The following ARID1B variants were observed in gnomAD, a reference collection of about 807,000 sequenced individuals.
ARID1B encodes AT-rich interaction domain 1B, also known as AT-rich interactive domain-containing protein 1B.
ARID1B carries 30 observed loss-of-function variants against 212.3 expected under a neutral mutation model. That is an observed-to-expected ratio of 0.14 (90% CI 0.11 to 0.19). The LOEUF is 0.19. Among genes scored for constraint, ARID1B ranks in the 10% least tolerant of loss-of-function variants. The pLI is 1.00. For synonymous variants in ARID1B, 1,402 were observed against 1,301.7 expected (o/e 1.08, Z -1.66); for missense variants, 2,891 against 3,204.0 (o/e 0.90, Z 2.36).
intron 3 of ARID1B, among the ~76,000 whole-genome samples, chr6:156,926,837 T>C (rs1325355678): frequency 6.6e-6 from 1 of 152,080 alleles, no homozygotes; most frequent in Non-Finnish European, 1.5e-5. Flanking sequence ...ACTGCCACCA[T>C]GCCTGGCTAA....
intron 11 of ARID1B, among the ~76,000 whole-genome samples, chr6:157,178,146 G>A (rs1480269030): frequency 6.6e-6 from 1 of 152,154 alleles, no homozygotes; most frequent in African/African-American, 2.4e-5. Context: ...ACTAGACTGT[G>A]CCCACGTTCA....
At chr6:157,069,673 T>C (rs571094248) in intron 4 of ARID1B, among the ~76,000 whole-genome samples, 1 of 152,348 alleles carries the variant, frequency 6.6e-6, no homozygotes, top group Non-Finnish European at 1.5e-5. Context: ...ACTCAGATCA[T>C]AGACCAATTG....
chr6:157,154,239 C>T (rs1156716939), intron 8 of ARID1B, among the ~76,000 whole-genome samples: 1 of 152,150 alleles, frequency 6.6e-6, no homozygotes, highest in Non-Finnish European at 1.5e-5. Flanking sequence ...GGTAGATGGA[C>T]AAACAGATTT....
chr6:156,952,660 C>T (rs1238659441), intron 4 of ARID1B, among the ~76,000 whole-genome samples: 1 of 152,196 alleles, frequency 6.6e-6, no homozygotes, highest in Non-Finnish European at 1.5e-5. Flanking sequence ...ACCATTCATC[C>T]ACCTTTGGGA....
At chr6:156,882,588 T>C (rs1274305858) in intron 2 of ARID1B, among the ~76,000 whole-genome samples, 1 of 152,188 alleles carries the variant, frequency 6.6e-6, no homozygotes, top group Non-Finnish European at 1.5e-5. Flanking sequence ...TGTGGTCTCT[T>C]TCAATCAGGA....
intron 4 of ARID1B, among the ~76,000 whole-genome samples, chr6:157,046,415 A>G (rs1782248872): frequency 6.6e-6 from 1 of 152,136 alleles, no homozygotes; most frequent in South Asian, 2.1e-4. Flanking sequence ...TTTTCCTGCC[A>G]TTTTATAATT....
intron 4 of ARID1B, among the ~76,000 whole-genome samples, chr6:157,012,007 G>GAACTCAGAAGA (rs1166116628): frequency 6.6e-6 from 1 of 152,172 alleles, no homozygotes; most frequent in Non-Finnish European, 1.5e-5. Flanking sequence ...TAACACCATG[G>GAACTCAGAAGA]AACTCAGAAG....
At chr6:157,187,228 G>A (rs1023979629) in intron 13 of ARID1B, among the ~76,000 whole-genome samples, 4 of 152,136 alleles carry the variant, frequency 2.6e-5, no homozygotes, top group Non-Finnish European at 4.4e-5. Flanking sequence ...GAATGGAAGG[G>A]ACCAGGCTGG....
chr6:156,917,270 G>A (rs897104329), intron 3 of ARID1B, among the ~76,000 whole-genome samples: 1 of 152,106 alleles, frequency 6.6e-6, no homozygotes, highest in Admixed American at 6.5e-5. Flanking sequence ...AGAAATAATG[G>A]GTATTATGAA....
At position 157,174,022 on chromosome 6, in the gene ARID1B, G is replaced by A. The variant is rs1791906307; in HGVS notation, c.3250G>A (p.Ala1084Thr). The change falls in exon 10 of 20, where the codon GCA becomes ACA. Residue 1084 changes from alanine to threonine, a missense_variant. By Grantham distance (58) the Ala-to-Thr change is moderately conservative. This residue lies in a region of ARID1B where 1,643 missense variants were observed against 1,544.0 expected (regional missense o/e 1.06). Transcript: ENST00000636930. Reference protein sequence around the residue: ...VNSSAASVGLADMMSPGESKL... With the variant: ...VNSSAASVGLTDMMSPGESKL... ...TTTTCGATTAGCATCTGTGGGTCTTGCAGATATGATGTCTCCTGGTGAATC... is the reference window on the plus strand; with the variant it reads ...TTTTCGATTAGCATCTGTGGGTCTTACAGATATGATGTCTCCTGGTGAATC... The A allele has an allele frequency of 6.2e-7, 1 of 1,614,056 alleles. No homozygotes were observed. Among genetic ancestry groups the A allele is most frequent in the East Asian group, 2.2e-5 (1 of 44,888 alleles).
At chr6:157,114,525 A>G (rs1787190154) in intron 6 of ARID1B, among the ~76,000 whole-genome samples, 2 of 63,906 alleles carry the variant, frequency 3.1e-5, no homozygotes, top group African/African-American at 5.8e-5. Flanking sequence ...CTCCGTCTCA[A>G]AAAAAAAAAA....
chr6:156,937,601 A>G (rs567348477), intron 4 of ARID1B: 25 of 152,338 alleles, frequency 1.6e-4, no homozygotes, highest in African/African-American at 6.0e-4. Context: ...CTAACTCTAC[A>G]GTGTTATTAG....
chr6:156,992,852 C>G (rs1201476131), intron 4 of ARID1B, among the ~76,000 whole-genome samples: 1 of 152,082 alleles, frequency 6.6e-6, no homozygotes. Context: ...TTGCCTAGCA[C>G]CTCTCTGTCA....
chr6:156,778,314 C>G lies in ARID1B; in HGVS notation c.634C>G (p.Gln212Glu), dbSNP rs1778827598. Residue 212 changes from glutamine (Q) to glutamate (E), a missense_variant, in exon 1 of 20, where the codon CAA becomes GAA. Transcript: ENST00000636930. ...QQQQQQQQQQ[Q>E]QQHPISNNNS... is the part of the protein sequence containing the mutation. ...GCAACAGCAGCAGCAGCAGCAGCAGCAACAGCAACATCCCATTTCCAACAA... is the reference window on the plus strand; with the variant it reads ...GCAACAGCAGCAGCAGCAGCAGCAGGAACAGCAACATCCCATTTCCAACAA... 6.5e-7 allele frequency: 1 copy of G among 1,545,272 alleles called. No homozygotes were observed. Among genetic ancestry groups the G allele is most frequent in the Non-Finnish European group, 8.7e-7 (1 of 1,146,758 alleles).
Position 157,187,677 on chromosome 6 carries a change from G to A in ARID1B, c.3920-1965G>A, listed in dbSNP as rs1300379734. Among the ~76,000 whole-genome samples, 5 of 151,910 alleles carry A rather than the reference G, an allele frequency of 3.3e-5. No homozygotes were observed. In the South Asian group the frequency reaches 8.3e-4, roughly 25 times the overall value. ...ATTTGTAGCTTCTGGCAAAAGGTAGGGATGTCCTAGAGAGCCTGCCAGCCT... is the reference window on the plus strand; with the variant it reads ...ATTTGTAGCTTCTGGCAAAAGGTAGAGATGTCCTAGAGAGCCTGCCAGCCT... On this transcript the variant is annotated intron_variant, in intron 13 of 19. Transcript: ENST00000636930.
intron 13 of ARID1B, chr6:157,186,435 C>T (rs1011725805): frequency 5.3e-5 from 25 of 470,968 alleles, no homozygotes; most frequent in African/African-American, 2.4e-4. Context: ...CCCGAGAGCG[C>T]GTGCAGGGGG....
intron 4 of ARID1B, chr6:157,023,562 T>TTA (rs1780462285): frequency 6.6e-6 from 1 of 152,240 alleles, no homozygotes; most frequent in Admixed American, 6.5e-5. Context: ...TATTCTACTG[T>TTA]TACACTTACC....
At chr6:156,846,355 C>T (rs62435823) in intron 2 of ARID1B, among the ~76,000 whole-genome samples, 7,685 of 150,098 alleles carry the variant, frequency 0.051, 254 homozygotes, top group Middle Eastern at 0.11. Context: ...TTAGTGGAGA[C>T]GGGGTTTCAC....
chr6:157,129,017 A>T (rs1267403243), intron 6 of ARID1B, among the ~76,000 whole-genome samples: 1 of 152,248 alleles, frequency 6.6e-6, no homozygotes, highest in African/African-American at 2.4e-5. Flanking sequence ...AATTAAAAAC[A>T]TGTAGAAATA....
Sources: gnomAD v4.1 joint callset for allele counts (sites outside exome capture counted in the v4.1 genomes callset) on GRCh38, gnomAD v4.1.1 for gene constraint, gnomAD v4.1.1 regional missense constraint, MANE v1.5 for transcripts, NCBI Gene and HGNC (gene_info 2026-07-23, HGNC 2026-07-21) for gene names.